SLK: variants seen among roughly 807,000 people sequenced by gnomAD.
SLK encodes STE20-like serine/threonine-protein kinase.
Under a neutral mutation model 147.7 loss-of-function variants are expected in SLK, and 67 were observed. The observed-to-expected ratio is 0.45, with a 90% confidence interval of 0.37 to 0.56. The LOEUF (loss-of-function observed/expected upper bound fraction) is 0.56. Among genes scored for constraint, SLK ranks in the 20% least tolerant of loss-of-function variants. The pLI, the probability that SLK is intolerant of heterozygous loss-of-function variation, is 0.00. For synonymous variants in SLK, 441 were observed against 475.0 expected (o/e 0.93, Z 0.93); for missense variants, 1,136 against 1,438.8 (o/e 0.79, Z 3.41).
chr10:103,986,078 T>C (rs1844008646), intron 1 of SLK, among the ~76,000 whole-genome samples: 1 of 152,206 alleles, frequency 6.6e-6, no homozygotes, highest in Non-Finnish European at 1.5e-5. Context: ...GTTTTTAACA[T>C]TTGTTTAGTT....
Position 104,010,923 on chromosome 10 carries a change from T to C in SLK, c.2877+15T>C, listed in dbSNP as rs780316615. Reference sequence around the variant, plus strand: ...AGCATGCTCAGGTAACAGCAGCAGCTTAATGCTACTAAAACCAGAAAGCAC... The same window carrying C: ...AGCATGCTCAGGTAACAGCAGCAGCCTAATGCTACTAAAACCAGAAAGCAC... On this transcript the variant is annotated intron_variant, in intron 13 of 18. Transcript: ENST00000369755. 2 of 1,523,078 alleles carry C rather than the reference T, an allele frequency of 1.3e-6. No homozygotes were observed. The highest frequency in any genetic ancestry group is 1.8e-6 in the Non-Finnish European group (2 of 1,132,982). 94.3% of individuals were successfully genotyped at this position (1,523,078 alleles called of 1,614,324 possible).
chr10:104,011,475 A>G (rs1227930179), intron 13 of SLK, among the ~76,000 whole-genome samples: 3 of 152,202 alleles, frequency 2.0e-5, no homozygotes, highest in African/African-American at 7.2e-5. Context: ...GCAGTTAAAC[A>G]AATAGACTAT....
At chr10:103,968,741 A>G (rs898975345) in intron 1 of SLK, among the ~76,000 whole-genome samples, 25 of 152,244 alleles carry the variant, frequency 1.6e-4, no homozygotes, top group Non-Finnish European at 2.9e-5. Context: ...ACTTATGTTT[A>G]TACAGGACTT....
intron 4 of SLK, among the ~76,000 whole-genome samples, chr10:103,997,654 A>G (rs1303938786): frequency 6.6e-6 from 1 of 150,960 alleles, no homozygotes. Context: ...TTGTTGTATT[A>G]TTTGCTCTTG....
At chr10:103,989,918 A>G (rs1589531538) in intron 1 of SLK, among the ~76,000 whole-genome samples, 1 of 152,370 alleles carries the variant, frequency 6.6e-6, no homozygotes, top group East Asian at 1.9e-4. Flanking sequence ...CATAATTGCC[A>G]AAACTTGGAA....
At chr10:103,981,962 T>C (rs1290348676) in intron 1 of SLK, among the ~76,000 whole-genome samples, 3 of 152,120 alleles carry the variant, frequency 2.0e-5, no homozygotes, top group Non-Finnish European at 2.9e-5. Context: ...TATATGAACA[T>C]GGGATGTGTT....
Position 103,986,395 on chromosome 10 carries a change from T to TA in SLK, c.151-4279dup, listed in dbSNP as rs528116784. On this transcript the variant is annotated intron_variant, in intron 1 of 18. Coordinates refer to ENST00000369755, the MANE Select transcript of SLK (RefSeq NM_014720.4). ...GAGCACACAACCTAGATCCCTCACA[T>TA]ACGCAGTTCACAATAGGGTTCACAG... 1.3e-3 allele frequency among the ~76,000 whole-genome samples: 203 copies of TA among 152,238 alleles called. 2 individuals are homozygous for TA. The highest frequency in any genetic ancestry group is 4.7e-3 in the African/African-American group (196 of 41,550).
At chr10:104,009,381 C>T (rs1010981171) in intron 12 of SLK, among the ~76,000 whole-genome samples, 1 of 152,010 alleles carries the variant, frequency 6.6e-6, no homozygotes, top group African/African-American at 2.4e-5. Context: ...TGTCATACTG[C>T]TGAATCTTAA....
intron 4 of SLK, among the ~76,000 whole-genome samples, chr10:103,995,791 T>G (rs1000867239): frequency 2.0e-5 from 3 of 152,132 alleles, no homozygotes; most frequent in African/African-American, 7.2e-5. Flanking sequence ...AAGACCACAG[T>G]CTGGTGTAAG....
At position 104,002,290 on chromosome 10, in the gene SLK, A is replaced by G. The variant is rs1356534985; in HGVS notation, c.1112A>G (p.Asn371Ser). ...GTCTCAGAAAAAACAGAACGTAGTA[A>G]CTCTGAAGATAAACTCAACAGCAAA... ...ESVSEKTERSNSEDKLNSKIL... is the reference protein window; with the variant it reads ...ESVSEKTERSSSEDKLNSKIL... The change falls in exon 9 of 19, where the codon AAC (asparagine) becomes AGC (serine). Residue 371 changes from asparagine (N) to serine (S), a missense_variant. Asn to Ser is a conservative substitution (Grantham distance 46, BLOSUM62 1). Transcript: ENST00000369755. The G allele has an allele frequency of 1.9e-6, 3 of 1,613,870 alleles. No homozygotes were observed. Among genetic ancestry groups the G allele is most frequent in the Admixed American group, 1.7e-5 (1 of 60,000 alleles).
intron 15 of SLK, 95 bp from the exon 16 acceptor site, chr10:104,019,639 T>G: frequency 2.1e-6 from 2 of 968,582 alleles, no homozygotes; most frequent in Admixed American, 2.0e-5. Context: ...AGGGTAATTA[T>G]AGGAAACAAC....
intron 1 of SLK, among the ~76,000 whole-genome samples, chr10:103,968,822 G>A (rs1394350074): frequency 6.6e-6 from 1 of 152,178 alleles, no homozygotes; most frequent in Non-Finnish European, 1.5e-5. Flanking sequence ...GTCAGTATTA[G>A]TATCCACATT....
At chr10:103,973,846 A>G (rs1293081306) in intron 1 of SLK, among the ~76,000 whole-genome samples, 3 of 152,196 alleles carry the variant, frequency 2.0e-5, no homozygotes, top group African/African-American at 7.2e-5. Context: ...TTATAAGGTC[A>G]CAACTTAATA....
In SLK at chr10:103,992,141, GTT is replaced by G. The variant is rs56381345; in HGVS notation, c.316-440_316-439del. Among the ~76,000 whole-genome samples, 137 of 91,800 alleles carry G rather than the reference GTT, an allele frequency of 1.5e-3. 4 individuals are homozygous for G. In the East Asian group the frequency reaches 0.016, roughly 11 times the overall value. The allele number at this position is 91,800 out of a possible 152,430, so 60.2% of individuals were successfully genotyped here. On this transcript the variant is annotated intron_variant, in intron 2 of 18. Coordinates refer to ENST00000369755, the MANE Select transcript of SLK (RefSeq NM_014720.4). ...TGAAGCTTTTGTGGGTATTTCTTCT[GTT>G]TTTTTTTTTTTTTTTTCTAAAAGAA...
At chr10:104,015,491 T>C (rs186043476) in intron 13 of SLK, among the ~76,000 whole-genome samples, 12 of 152,334 alleles carry the variant, frequency 7.9e-5, no homozygotes, top group Admixed American at 6.5e-4. Flanking sequence ...ACTTTTGAAC[T>C]TTTAAAAATG....
chr10:103,996,492 G>A (rs529894333), intron 4 of SLK, among the ~76,000 whole-genome samples: 14 of 147,900 alleles, frequency 9.5e-5, no homozygotes, highest in African/African-American at 1.3e-4. Flanking sequence ...TCTGCCTCCC[G>A]GGTTCACGCC....
chr10:104,023,248 G>C (rs1373755205), intron 18 of SLK, among the ~76,000 whole-genome samples: 1 of 152,126 alleles, frequency 6.6e-6, no homozygotes, highest in Admixed American at 6.5e-5. Flanking sequence ...ACATTTCTCA[G>C]TTTTGCCCCT....
Position 104,019,788 on chromosome 10 carries a change from A to G in SLK, c.3187A>G (p.Arg1063Gly), listed in dbSNP as rs774536093. Residue 1063 changes from arginine to glycine, a missense_variant, in exon 16 of 19, where the codon AGA becomes GGA. Physicochemically the swap from Arg to Gly is moderately radical, Grantham distance 125. Transcript: ENST00000369755. ...AAGACTTATTGAGGAATTGAAAAAC[A>G]GACAGACTCAAGAAAGAGCAAGACT... ...NQRLIEELKN[R>G]QTQERARLPK... 1 of 1,614,168 alleles carries G rather than the reference A, an allele frequency of 6.2e-7. No individual in the cohort carries two copies. Among genetic ancestry groups the G allele is most frequent in the Non-Finnish European group, 8.5e-7 (1 of 1,179,960 alleles).
intron 1 of SLK, among the ~76,000 whole-genome samples, chr10:103,971,435 G>A (rs915329200): frequency 3.9e-5 from 6 of 151,922 alleles, no homozygotes; most frequent in African/African-American, 7.3e-5. Flanking sequence ...CCACCGTGCC[G>A]GGCTAATTTT....
Sources: allele counts gnomAD v4.1 joint callset (sites outside exome capture counted in the v4.1 genomes callset), GRCh38; gene constraint gnomAD v4.1.1; transcripts MANE v1.5; gene names NCBI Gene and HGNC (gene_info 2026-07-23, HGNC 2026-07-21).